SMARCA2: variants seen among roughly 807,000 people sequenced by gnomAD.
The protein encoded by SMARCA2 is SWI/SNF related BAF chromatin remodeling complex subunit ATPase 2, also known as SWI/SNF-related matrix-associated actin-dependent regulator of chromatin subfamily A member 2.
A neutral mutation model predicts 199.8 loss-of-function variants in SMARCA2; 61 were observed. The ratio of observed to expected loss-of-function variants is 0.31; its 90% CI spans 0.25 to 0.38. SMARCA2 has a LOEUF of 0.38. Among genes scored for constraint, SMARCA2 ranks in the 10% least tolerant of loss-of-function variants. SMARCA2 has a pLI of 1.00. For synonymous variants in SMARCA2, 935 were observed against 732.0 expected, an observed-to-expected ratio of 1.28 and a Z score of -4.48; for missense variants, 1,344 against 2,012.2, an observed-to-expected ratio of 0.67 and a Z score of 6.35.
chr9:2,130,034 T>G (rs115775252), intron 27 of SMARCA2, among the ~76,000 whole-genome samples: 1,557 of 152,182 alleles, frequency 0.01, 26 homozygotes, highest in African/African-American at 0.036. Context: ...TTGTACGTTT[T>G]GTAGAGTCGG....
At chr9:2,190,010 G>C (rs916866079) in intron 32 of SMARCA2, among the ~76,000 whole-genome samples, 1 of 152,088 alleles carries the variant, frequency 6.6e-6, no homozygotes, top group Admixed American at 6.5e-5. Context: ...AAGCTAGCTT[G>C]AATGAGAGAC....
Position 2,056,908 on chromosome 9 carries a change from A to T in SMARCA2, c.1347+63A>T. 1 of 1,464,914 alleles carries T rather than the reference A, an allele frequency of 6.8e-7. No individual in the cohort carries two copies. 90.7% of individuals were successfully genotyped at this position (1,464,914 alleles called of 1,614,324 possible). On this transcript the variant is annotated intron_variant, in intron 7 of 33. Transcript: ENST00000349721. This position sits in a 1 kb window ranked among gnomAD's most constrained non-coding sequence, Gnocchi z 4.0. ...CAGAGCTGTCCAATGAATTCATCAA[A>T]TGGGGTCAGAATGACTGAAAAATGG...
At chr9:2,091,082 G>A (rs908097608) in intron 19 of SMARCA2, among the ~76,000 whole-genome samples, 1 of 152,088 alleles carries the variant, frequency 6.6e-6, no homozygotes, top group Admixed American at 6.6e-5. Flanking sequence ...TAGGAAAGAG[G>A]CTTTTACTTT....
At chr9:2,046,757 C>G (rs10811347) in intron 4 of SMARCA2, among the ~76,000 whole-genome samples, 12,849 of 152,108 alleles carry the variant, frequency 0.084, 723 homozygotes, top group African/African-American at 0.15. Flanking sequence ...GATTTTAGGA[C>G]CATACCCAAA....
intron 31 of SMARCA2, among the ~76,000 whole-genome samples, chr9:2,185,745 T>C (rs186335089): frequency 6.6e-6 from 1 of 152,326 alleles, no homozygotes; most frequent in East Asian, 1.9e-4. Context: ...TTAAAGAAGA[T>C]TGCTTTACCA....
chr9:2,190,885 CATTT>C lies in SMARCA2; in HGVS notation c.4595-374_4595-371del, dbSNP rs1455871159. Among the ~76,000 whole-genome samples the C allele has an allele frequency of 7.2e-5, 11 of 152,214 alleles. No homozygotes were observed. The East Asian group carries it at 1.9e-3, about 27-fold the overall frequency. On this transcript the variant is annotated intron_variant, in intron 32 of 33. Coordinates refer to ENST00000349721, the MANE Select transcript of SMARCA2 (RefSeq NM_003070.5). ...AAATTATTGGCCTTTAAACTCTTTA[CATTT>C]ATTTATATTTTTAATGTAAAAGTTC...
In SMARCA2 at chr9:2,097,381, T is replaced by G. The variant is rs747623337; in HGVS notation, c.2992-4T>G. On this transcript the variant is annotated splice_polypyrimidine_tract_variant and splice_region_variant and intron_variant, in intron 20 of 33. Coordinates refer to ENST00000349721, the MANE Select transcript of SMARCA2 (RefSeq NM_003070.5). ...TCTATTTTTCCCTTTCCACTGGTTC[T>G]TAGGGGAAAGGAGGTGCTAAGACAC... 1.9e-6 allele frequency: 3 copies of G among 1,587,808 alleles called. No individual in the cohort carries two copies. Among genetic ancestry groups the G allele is most frequent in the Non-Finnish European group, 2.6e-6 (3 of 1,157,864 alleles).
chr9:2,020,970 GTATGAATTAGGATATTTTATTAGATAGC>G (rs1343506428), intron 1 of SMARCA2, among the ~76,000 whole-genome samples: 2 of 152,142 alleles, frequency 1.3e-5, no homozygotes, highest in Non-Finnish European at 2.9e-5. Flanking sequence ...TTGAAGCCTA[GTATGAATTAGGATATTTTATTAGATAGC>G]TACGACTTCC....
intron 28 of SMARCA2, among the ~76,000 whole-genome samples, chr9:2,163,797 C>G (rs1390803199): frequency 2.6e-5 from 4 of 152,060 alleles, no homozygotes; most frequent in Admixed American, 1.3e-4. Flanking sequence ...CTAGGCCTTT[C>G]ATTCTAAGGT....
At chr9:2,078,325 A>G (rs1381999762) in intron 14 of SMARCA2, among the ~76,000 whole-genome samples, 1 of 152,114 alleles carries the variant, frequency 6.6e-6, no homozygotes, top group Non-Finnish European at 1.5e-5. Flanking sequence ...TACAAAAATT[A>G]GCTGGGTGTG....
intron 27 of SMARCA2, among the ~76,000 whole-genome samples, chr9:2,155,851 G>A (rs1365081091): frequency 7.4e-6 from 1 of 134,470 alleles, no homozygotes; most frequent in Non-Finnish European, 1.5e-5. Flanking sequence ...TCCCCTTTAT[G>A]GTCAGCTTTG....
chr9:2,115,997 A>T lies in SMARCA2; in HGVS notation c.3632A>T (p.His1211Leu), dbSNP rs1283177080. The part of the protein sequence containing the change: ...AGMFDQKSSS[H>L]ERRAFLQAIL... ...ATGTTTGACCAAAAGTCTTCAAGCC[A>T]CGAGCGGAGGGCATTCCTGCAGGCC... is the stretch of plus-strand genomic sequence containing the variant. Residue 1211 changes from histidine (H) to leucine (L), a missense_variant, in exon 25 of 34, where the codon CAC (histidine) becomes CTC (leucine). By Grantham distance (99) the His-to-Leu change is moderately conservative (BLOSUM62 -3). Transcript: ENST00000349721. This position sits in a 1 kb window ranked among gnomAD's most constrained non-coding sequence, Gnocchi z 6.0. 5.6e-6 allele frequency: 9 copies of T among 1,614,180 alleles called. No homozygotes were observed. The highest frequency in any genetic ancestry group is 7.6e-6 in the Non-Finnish European group (9 of 1,180,022).
intron 29 of SMARCA2, among the ~76,000 whole-genome samples, chr9:2,173,632 A>G (rs985873610): frequency 2.6e-5 from 4 of 152,176 alleles, no homozygotes; most frequent in Non-Finnish European, 5.9e-5. Context: ...TCAGCGCCTC[A>G]TGCATTGTCT....
chr9:2,078,903 C>G (rs1197315498), intron 14 of SMARCA2, among the ~76,000 whole-genome samples: 1 of 151,538 alleles, frequency 6.6e-6, no homozygotes, highest in African/African-American at 2.4e-5. Flanking sequence ...CGAGATAGCA[C>G]CACTGCACTC....
At chr9:2,030,278 T>G (rs1298519732) in intron 2 of SMARCA2, among the ~76,000 whole-genome samples, 1 of 152,164 alleles carries the variant, frequency 6.6e-6, no homozygotes, top group Non-Finnish European at 1.5e-5. Flanking sequence ...CAGTCACCAA[T>G]CTGGATACCC....
intron 28 of SMARCA2, among the ~76,000 whole-genome samples, chr9:2,163,908 G>A (rs1459331963): frequency 2.6e-5 from 4 of 152,028 alleles, no homozygotes; most frequent in Non-Finnish European, 5.9e-5. Context: ...TTTGAGGGGT[G>A]GGGGTCAGCA....
chr9:2,136,189 T>C (rs1367687864), intron 27 of SMARCA2, among the ~76,000 whole-genome samples: 9 of 144,670 alleles, frequency 6.2e-5, no homozygotes, highest in Non-Finnish European at 1.2e-4. Flanking sequence ...CCTGCTTCTT[T>C]TTTTTTTTTT....
intron 14 of SMARCA2, among the ~76,000 whole-genome samples, chr9:2,079,366 C>G (rs544266865): frequency 2.6e-5 from 4 of 152,296 alleles, no homozygotes; most frequent in East Asian, 1.9e-4. Context: ...AGGAAGTGTA[C>G]TTGTTGGCAT....
chr9:2,164,131 C>T (rs553099251), intron 28 of SMARCA2, among the ~76,000 whole-genome samples: 4 of 152,246 alleles, frequency 2.6e-5, no homozygotes, highest in South Asian at 2.1e-4. Flanking sequence ...TGGAGTGCGT[C>T]GCCATTTACC....
Sources: gnomAD v4.1 joint callset for allele counts (sites outside exome capture counted in the v4.1 genomes callset) on GRCh38, gnomAD v4.1.1 for gene constraint, Gnocchi (gnomAD v3.1) non-coding constraint, MANE v1.5 for transcripts, NCBI Gene and HGNC (gene_info 2026-07-23, HGNC 2026-07-21) for gene names.